The following SH3KBP1 variants were observed in gnomAD, a reference collection of about 807,000 sequenced individuals.
SH3KBP1 encodes the protein SH3 domain containing kinase binding protein 1, also known as SH3 domain-containing kinase-binding protein 1.
A neutral mutation model predicts 50.1 loss-of-function variants in SH3KBP1; 8 were observed. The observed-to-expected ratio is 0.16, with a 90% CI of 0.09 to 0.29. The LOEUF (loss-of-function observed/expected upper bound fraction) is 0.29, where lower values mean the gene tolerates loss of function less well. Ranked by LOEUF, SH3KBP1 falls within the 10% of genes least tolerant of loss-of-function variation. SH3KBP1 has a pLI of 1.00. For synonymous variants in SH3KBP1, 227 were observed against 218.6 expected, an observed-to-expected ratio of 1.04 and a Z score of -0.34; for missense variants, 377 against 535.2, an observed-to-expected ratio of 0.70 and a Z score of 2.92.
At chrX:19,738,770 G>A (rs1331760223) in intron 3 of SH3KBP1, among the ~76,000 whole-genome samples, 1 of 107,765 alleles carries the variant, frequency 9.3e-6, no homozygotes. Context: ...CAGCACTTTG[G>A]GAGGCCGAGG....
intron 3 of SH3KBP1, among the ~76,000 whole-genome samples, chrX:19,715,356 T>C (rs900554626): frequency 9.2e-6 from 1 of 108,237 alleles, no homozygotes; most frequent in African/African-American, 3.4e-5. Flanking sequence ...GGATAGAGGA[T>C]AGAGATAGAA....
rs776545045 is a variant in SH3KBP1, at chrX:19,661,517, G to T, written c.727-16042C>A. 1.1e-4 allele frequency among the ~76,000 whole-genome samples: 12 copies of T among 109,128 alleles called. 1 individual carries two copies. The South Asian group carries it at 4.3e-3, about 39-fold the overall frequency. The allele number at this position is 109,128 out of a possible 115,157, so 94.8% of individuals were successfully genotyped here. ...TAAAAAGTTAACAGTGATTGCCCCAGGGTGATTAAATTATCAGTTCTTTTT... is the reference window on the plus strand; with the variant it reads ...TAAAAAGTTAACAGTGATTGCCCCATGGTGATTAAATTATCAGTTCTTTTT... On this transcript the variant is annotated intron_variant, in intron 6 of 17. Coordinates refer to ENST00000397821, the MANE Select transcript of SH3KBP1 (RefSeq NM_031892.3).
intron 6 of SH3KBP1, chrX:19,671,036 G>C (rs1473631011): frequency 7.7e-6 from 8 of 1,044,963 alleles, no homozygotes; most frequent in Non-Finnish European, 9.9e-6. Context: ...TTTGTTTATG[G>C]TTCAGGAAGC....
At chrX:19,720,216 C>T (rs1285956333) in intron 3 of SH3KBP1, among the ~76,000 whole-genome samples, 1 of 110,946 alleles carries the variant, frequency 9.0e-6, no homozygotes, top group Non-Finnish European at 1.9e-5. Context: ...TTTCATCTTT[C>T]TTCAGGCTGG....
chrX:19,761,120 G>A (rs2065410347), intron 2 of SH3KBP1, among the ~76,000 whole-genome samples: 1 of 90,616 alleles, frequency 1.1e-5, no homozygotes, highest in African/African-American at 4.1e-5. Flanking sequence ...AGGTTGGAAG[G>A]CTCTGGTGTT....
At position 19,672,204 on chromosome X, in the gene SH3KBP1, T is replaced by TA. The variant is rs1234596765; in HGVS notation, c.726+11618dup. Among the ~76,000 whole-genome samples, 22 of 111,269 alleles carry TA rather than the reference T, an allele frequency of 2.0e-4. No individual in the cohort carries two copies. The Admixed American group carries it at 2.1e-3, about 11-fold the overall frequency. ...TAGCATTTGGAATTCAGAGAACAGA[T>TA]AAAAAAAATTCCCTTATCAAAACCC... On this transcript the variant is annotated intron_variant, in intron 6 of 17. Coordinates refer to ENST00000397821, the MANE Select transcript of SH3KBP1 (RefSeq NM_031892.3).
chrX:19,690,752 C>T (rs2063268091), intron 5 of SH3KBP1, among the ~76,000 whole-genome samples: 2 of 112,398 alleles, frequency 1.8e-5, no homozygotes, highest in Admixed American at 1.9e-4. Context: ...AAAACTGTAA[C>T]TGAAAAGGCA....
chrX:19,638,076 C>CCAAAA (rs1480888158), intron 7 of SH3KBP1, among the ~76,000 whole-genome samples: 2 of 104,615 alleles, frequency 1.9e-5, no homozygotes, highest in Non-Finnish European at 3.9e-5. Context: ...AATTCCATCT[C>CCAAAA]CAAAACAAAA....
At chrX:19,715,920 G>A (rs1603091951) in intron 3 of SH3KBP1, among the ~76,000 whole-genome samples, 1 of 111,110 alleles carries the variant, frequency 9.0e-6, no homozygotes, top group East Asian at 2.8e-4. Context: ...CTAGGTGCCA[G>A]GGGCTCAGGG....
At chrX:19,758,576 T>C (rs1258031672) in intron 2 of SH3KBP1, among the ~76,000 whole-genome samples, 4 of 111,093 alleles carry the variant, frequency 3.6e-5, no homozygotes, top group Non-Finnish European at 7.6e-5. Context: ...GATGGGCATT[T>C]TTCCCATCAA....
At chrX:19,771,638 C>A (rs2065794000) in intron 2 of SH3KBP1, among the ~76,000 whole-genome samples, 1 of 111,415 alleles carries the variant, frequency 9.0e-6, no homozygotes, top group Admixed American at 9.5e-5. Flanking sequence ...CCAAAGCGGG[C>A]AGATCGCCTG....
At chrX:19,782,563 CA>C (rs2066213686) in intron 2 of SH3KBP1, among the ~76,000 whole-genome samples, 1 of 111,347 alleles carries the variant, frequency 9.0e-6, no homozygotes, top group African/African-American at 3.3e-5. Flanking sequence ...ACGCACACAC[CA>C]AAACAGAGAG....
chrX:19,596,343 T>C (rs1050940716), intron 9 of SH3KBP1, among the ~76,000 whole-genome samples: 2 of 112,000 alleles, frequency 1.8e-5, no homozygotes, highest in Non-Finnish European at 3.8e-5. Context: ...AAAAAAGCAA[T>C]GTACGTACCT....
intron 12 of SH3KBP1, among the ~76,000 whole-genome samples, chrX:19,583,125 C>CACTATT (rs1556000983): frequency 1.1e-5 from 1 of 95,163 alleles, no homozygotes; most frequent in Non-Finnish European, 2.1e-5. Context: ...TGCTAATACA[C>CACTATT]ATTATTATTA....
chrX:19,777,384 T>C (rs2066011482), intron 2 of SH3KBP1, among the ~76,000 whole-genome samples: 1 of 110,549 alleles, frequency 9.0e-6, no homozygotes, highest in South Asian at 4.0e-4. Flanking sequence ...TAATGTTCAG[T>C]ACAGCCTTGG....
At chrX:19,868,245 G>A (rs909624070) in intron 1 of SH3KBP1, among the ~76,000 whole-genome samples, 4 of 111,874 alleles carry the variant, frequency 3.6e-5, no homozygotes, top group African/African-American at 1.3e-4. Flanking sequence ...TCCTAGGGAT[G>A]CTAGCTGCTC....
chrX:19,752,497 G>A (rs2065094158), intron 2 of SH3KBP1, among the ~76,000 whole-genome samples: 2 of 112,550 alleles, frequency 1.8e-5, no homozygotes, highest in Admixed American at 1.9e-4. Flanking sequence ...ATGATGTACT[G>A]TATGATTCCA....
intron 6 of SH3KBP1, among the ~76,000 whole-genome samples, chrX:19,674,545 T>G (rs73459671): frequency 0.1 from 11,642 of 111,718 alleles, 1,448 homozygotes; most frequent in African/African-American, 0.35. Context: ...CCAACCAGAA[T>G]TGGATTAGCA....
At chrX:19,874,060 A>T (rs1394611102) in intron 1 of SH3KBP1, among the ~76,000 whole-genome samples, 1 of 89,166 alleles carries the variant, frequency 1.1e-5, no homozygotes, top group Non-Finnish European at 2.0e-5. Flanking sequence ...AAAAAAAAAA[A>T]AAAAAAAAAT....
Sources: allele counts gnomAD v4.1 joint callset (sites outside exome capture counted in the v4.1 genomes callset), GRCh38; gene constraint gnomAD v4.1.1; transcripts MANE v1.5; gene names NCBI Gene and HGNC (gene_info 2026-07-23, HGNC 2026-07-21).